The following GABBR2 variants were observed in gnomAD, a reference collection of about 807,000 sequenced individuals.
GABBR2 encodes gamma-aminobutyric acid type B receptor subunit 2, also known as G-protein coupled receptor 51.
Under a neutral mutation model 105.6 loss-of-function variants are expected in GABBR2, and 23 were observed. That is an observed-to-expected ratio of 0.22 (90% CI 0.16 to 0.31). GABBR2 has a LOEUF of 0.31. Ranked by LOEUF, GABBR2 falls within the 10% of genes least tolerant of loss-of-function variation. The pLI is 1.00. For synonymous variants in GABBR2, 478 were observed against 499.7 expected, an observed-to-expected ratio of 0.96 and a Z score of 0.58; for missense variants, 734 against 1,245.5, an observed-to-expected ratio of 0.59 and a Z score of 6.18.
chr9:98,359,386 T>C (rs1831542785), intron 13 of GABBR2, among the ~76,000 whole-genome samples: 1 of 152,110 alleles, frequency 6.6e-6, no homozygotes, highest in Admixed American at 6.5e-5. Flanking sequence ...GCCAAGATCA[T>C]GCCACTGCAC....
intron 6 of GABBR2, among the ~76,000 whole-genome samples, chr9:98,466,789 T>G (rs1197599480): frequency 6.6e-6 from 1 of 152,232 alleles, no homozygotes; most frequent in Non-Finnish European, 1.5e-5. Context: ...AAATTATCAG[T>G]GACTTAAATG....
chr9:98,293,706 C>T, intron 18 of GABBR2, 79 bp downstream of exon 18: 3 of 762,306 alleles, frequency 3.9e-6, no homozygotes, highest in Non-Finnish European at 6.8e-6. Flanking sequence ...GATGTGAAAA[C>T]ATCGTGCAAA....
chr9:98,515,948 T>C (rs1215464477), intron 3 of GABBR2: 1 of 151,062 alleles, frequency 6.6e-6, no homozygotes, highest in Non-Finnish European at 1.5e-5. Context: ...GAGGGGAGAG[T>C]AGAGGAAGAA....
At position 98,547,162 on chromosome 9, in the gene GABBR2, A is replaced by T. The variant is rs1448135194; in HGVS notation, c.460-5119T>A. 2.5e-5 allele frequency among the ~76,000 whole-genome samples: 3 copies of T among 118,038 alleles called. 1 individual carries two copies. In the East Asian group the frequency reaches 1.1e-3, roughly 43 times the overall value. 77.4% of individuals were successfully genotyped at this position (118,038 alleles called of 152,430 possible). Reference sequence around the variant, plus strand: ...TTTCCCCTTATTCCTGGAATTCAAAAAAATCGCACTCTTGATTTTATTTGG... The same window carrying T: ...TTTCCCCTTATTCCTGGAATTCAAATAAATCGCACTCTTGATTTTATTTGG... On this transcript the variant is annotated intron_variant, in intron 2 of 18. Transcript: ENST00000259455.
At chr9:98,651,886 A>AT (rs1175777539) in intron 1 of GABBR2, among the ~76,000 whole-genome samples, 1 of 152,194 alleles carries the variant, frequency 6.6e-6, no homozygotes, top group Non-Finnish European at 1.5e-5. Flanking sequence ...ATTAATGTTG[A>AT]TTTTTTAAAA....
chr9:98,384,648 T>G (rs1832039792), intron 11 of GABBR2, among the ~76,000 whole-genome samples: 1 of 152,188 alleles, frequency 6.6e-6, no homozygotes, highest in African/African-American at 2.4e-5. Flanking sequence ...ATTAAACTTT[T>G]TAACATGTTA....
intron 1 of GABBR2, among the ~76,000 whole-genome samples, chr9:98,662,422 G>A (rs1365992622): frequency 6.6e-5 from 10 of 152,178 alleles, no homozygotes; most frequent in Non-Finnish European, 1.5e-5. Flanking sequence ...GATGAAGAGA[G>A]GCTGAGAATG....
chr9:98,426,300 G>A (rs370554909), intron 7 of GABBR2, among the ~76,000 whole-genome samples: 2 of 152,232 alleles, frequency 1.3e-5, no homozygotes, highest in East Asian at 3.9e-4. Context: ...GGTGTAAAGG[G>A]CACTGAAATA....
chr9:98,473,403 T>G, intron 5 of GABBR2, 57 bp from the exon 6 acceptor site: 1 of 1,179,908 alleles, frequency 8.5e-7, no homozygotes, highest in Non-Finnish European at 1.3e-6. Context: ...CAAGGCTCTG[T>G]GCCCTGGAAG....
At chr9:98,345,829 A>G (rs760558183) in intron 13 of GABBR2, among the ~76,000 whole-genome samples, 11 of 152,232 alleles carry the variant, frequency 7.2e-5, no homozygotes, top group Non-Finnish European at 1.3e-4. Flanking sequence ...ACTGCAGGTT[A>G]GATTCCAGAC....
chr9:98,650,146 A>G (rs567515209), intron 1 of GABBR2, among the ~76,000 whole-genome samples: 3 of 152,244 alleles, frequency 2.0e-5, no homozygotes, highest in East Asian at 1.9e-4. Context: ...AAAATTTTTC[A>G]TGTGTTTCAG....
At chr9:98,356,183 A>G (rs1216437016) in intron 13 of GABBR2, among the ~76,000 whole-genome samples, 1 of 152,242 alleles carries the variant, frequency 6.6e-6, no homozygotes, top group Non-Finnish European at 1.5e-5. Context: ...AGAAAAAAGT[A>G]ATAAGCTCGA....
chr9:98,442,944 C>G (rs1170130664), intron 7 of GABBR2, among the ~76,000 whole-genome samples: 1 of 152,202 alleles, frequency 6.6e-6, no homozygotes, highest in African/African-American at 2.4e-5. Context: ...ACGACCTCAT[C>G]TTAACTAATC....
At chr9:98,325,867 C>T (rs761498558) in intron 13 of GABBR2, among the ~76,000 whole-genome samples, 13 of 152,334 alleles carry the variant, frequency 8.5e-5, no homozygotes, top group Middle Eastern at 3.4e-3. Flanking sequence ...CATATACATG[C>T]ACAAGCACAA....
chr9:98,491,120 G>A (rs966652872), intron 4 of GABBR2, among the ~76,000 whole-genome samples: 2 of 151,916 alleles, frequency 1.3e-5, no homozygotes, highest in Non-Finnish European at 2.9e-5. Context: ...TTATTTCAGT[G>A]AGATGTAATT....
chr9:98,612,653 A>G (rs1306565845), intron 1 of GABBR2, among the ~76,000 whole-genome samples: 2 of 152,380 alleles, frequency 1.3e-5, no homozygotes, highest in East Asian at 3.9e-4. Flanking sequence ...ATAAACACAC[A>G]GCAATGATAG....
chr9:98,631,206 G>A (rs182015842), intron 1 of GABBR2, among the ~76,000 whole-genome samples: 1 of 152,314 alleles, frequency 6.6e-6, no homozygotes, highest in East Asian at 1.9e-4. Flanking sequence ...CTTCAGTGGT[G>A]TGTCTATACA....
At chr9:98,447,034 C>A (rs1365354101) in intron 7 of GABBR2, among the ~76,000 whole-genome samples, 1 of 148,134 alleles carries the variant, frequency 6.8e-6, no homozygotes, top group East Asian at 2.0e-4. Context: ...TTGTCTTTTT[C>A]TTTCCCAGAT....
chr9:98,576,751 ATAT>A (rs1828913455), intron 2 of GABBR2, among the ~76,000 whole-genome samples: 1 of 152,176 alleles, frequency 6.6e-6, no homozygotes, highest in Non-Finnish European at 1.5e-5. Flanking sequence ...AACCTTAATA[ATAT>A]TATTATTTAA....
Sources: allele counts gnomAD v4.1 joint callset (sites outside exome capture counted in the v4.1 genomes callset), GRCh38; gene constraint gnomAD v4.1.1; transcripts MANE v1.5; gene names NCBI Gene and HGNC (gene_info 2026-07-23, HGNC 2026-07-21).